Variants in KIAA1671 observed in about 807,000 individuals in gnomAD.
The protein encoded by KIAA1671 is uncharacterized protein KIAA1671.
Under a neutral mutation model 131.2 loss-of-function variants are expected in KIAA1671, and 52 were observed. That is an observed-to-expected ratio of 0.40 (90% CI 0.32 to 0.50). KIAA1671 has a LOEUF of 0.50. Ranked by LOEUF, KIAA1671 falls within the 20% of genes least tolerant of loss-of-function variation. The pLI, the probability that KIAA1671 is intolerant of heterozygous loss-of-function variation, is 0.73. For synonymous variants in KIAA1671, 1,003 were observed against 961.6 expected, an observed-to-expected ratio of 1.04 and a Z score of -0.80; for missense variants, 2,360 against 2,364.2, an observed-to-expected ratio of 1.00 and a Z score of 0.04.
rs1043076765 is a variant in KIAA1671 at position 25,031,605 on chromosome 22, C to T, written c.1542-1004C>T. On this transcript the variant is annotated intron_variant, in intron 3 of 12. Transcript: ENST00000358431. ...TCAGCCTCCCAAAGTGCTGGGATTA[C>T]AGGCATGAGCCACGGCACCCGGCCT... Among the ~76,000 whole-genome samples the T allele has an allele frequency of 9.8e-5, 15 of 152,348 alleles. No individual in the cohort carries two copies. The South Asian group carries it at 3.1e-3, about 32-fold the overall frequency.
chr22:25,039,389 G>A lies in KIAA1671; in HGVS notation c.2259G>A (p.Glu753=). The A allele has an allele frequency of 1.9e-6, 3 of 1,551,840 alleles. No homozygotes were observed. In the South Asian group the frequency reaches 3.6e-5, roughly 18 times the overall value. The change falls in exon 5 of 13, where the codon GAG becomes GAA. Residue 753 remains glutamate, a synonymous_variant. Transcript: ENST00000358431. Reference sequence around the variant, plus strand: ...GCGAGGCCATCTCACCGGCACCGGAGGAGAAAGCGGTCACGCTCCGCAGCC... The same window carrying A: ...GCGAGGCCATCTCACCGGCACCGGAAGAGAAAGCGGTCACGCTCCGCAGCC... The part of the protein sequence containing the change: ...VHSEAISPAP[E]EKAVTLRSLR...
At chr22:25,074,496 CA>C (rs759898395) in intron 6 of KIAA1671, among the ~76,000 whole-genome samples, 250 of 64,152 alleles carry the variant, frequency 3.9e-3, no homozygotes, top group East Asian at 0.014. Flanking sequence ...GGCTGTGTCT[CA>C]AAAAAAAAAA....
At position 25,040,460 on chromosome 22, in the gene KIAA1671, A is replaced by G; in HGVS notation, c.3330A>G (p.Ser1110=). 1.3e-6 allele frequency: 2 copies of G among 1,552,064 alleles called. No individual in the cohort carries two copies. The highest frequency in any genetic ancestry group is 1.7e-6 in the Non-Finnish European group (2 of 1,147,068). The stretch of plus-strand genomic sequence containing the variant: ...CTCTGAAGCCAACAGACCGTCCATC[A>G]TCTCTTGGGGCCTGGAGTCTGGACC... ...LKTLKPTDRP[S]SLGAWSLDPF... is the part of the protein sequence containing the mutation. The change falls in exon 5 of 13, where the codon TCA becomes TCG. Residue 1110 remains serine (S), a synonymous_variant. Coordinates refer to ENST00000358431, the MANE Select transcript of KIAA1671 (RefSeq NM_001145206.2).
At chr22:25,143,676 C>G (rs1266910599) in intron 6 of KIAA1671, among the ~76,000 whole-genome samples, 1 of 152,124 alleles carries the variant, frequency 6.6e-6, no homozygotes, top group Non-Finnish European at 1.5e-5. Context: ...CTGTCCTCTG[C>G]CCCATTTTCC....
intron 6 of KIAA1671, among the ~76,000 whole-genome samples, chr22:25,079,637 G>C (rs1251812535): frequency 2.0e-5 from 3 of 152,168 alleles, no homozygotes; most frequent in Admixed American, 2.0e-4. Context: ...AGGCTTTAAG[G>C]CCCAAGCATG....
chr22:25,000,705 TG>T (rs1924414813), intron 1 of KIAA1671, among the ~76,000 whole-genome samples: 7 of 151,522 alleles, frequency 4.6e-5, no homozygotes, highest in Admixed American at 4.0e-4. Flanking sequence ...TTAGTAGAGT[TG>T]GGGTTTCATC....
chr22:25,121,237 C>T (rs1205586062), intron 6 of KIAA1671, among the ~76,000 whole-genome samples: 3 of 151,854 alleles, frequency 2.0e-5, no homozygotes, highest in Non-Finnish European at 2.9e-5. Flanking sequence ...CCGAGGCGGG[C>T]GGATCACAAG....
intron 6 of KIAA1671, chr22:25,102,979 G>C (rs1930772161): frequency 6.6e-6 from 1 of 152,608 alleles, no homozygotes; most frequent in Non-Finnish European, 1.5e-5. Context: ...CCCACACGTA[G>C]TCCTGGGAAT....
chr22:25,032,923 AT>A (rs1233559681), intron 4 of KIAA1671, among the ~76,000 whole-genome samples: 1 of 151,956 alleles, frequency 6.6e-6, no homozygotes, highest in Non-Finnish European at 1.5e-5. Context: ...GTTATCAGGC[AT>A]TTTTTTTCTT....
chr22:24,959,556 C>T (rs914003795), intron 1 of KIAA1671, among the ~76,000 whole-genome samples: 7 of 147,942 alleles, frequency 4.7e-5, no homozygotes, highest in African/African-American at 1.2e-4. Context: ...AACAAACAAT[C>T]GAGGCACATA....
At chr22:25,007,174 G>A (rs538653411) in intron 1 of KIAA1671, among the ~76,000 whole-genome samples, 1 of 152,074 alleles carries the variant, frequency 6.6e-6, no homozygotes, top group African/African-American at 2.4e-5. Context: ...TGGGACCTGT[G>A]CTACCCTGGA....
chr22:24,985,304 G>C (rs1182638160), intron 1 of KIAA1671, among the ~76,000 whole-genome samples: 1 of 151,904 alleles, frequency 6.6e-6, no homozygotes, highest in African/African-American at 2.4e-5. Flanking sequence ...ATTCCCTGTG[G>C]AGTGAAAGGC....
chr22:25,113,897 G>GTTTGTT (rs1259837997), intron 6 of KIAA1671, among the ~76,000 whole-genome samples: 7 of 152,166 alleles, frequency 4.6e-5, no homozygotes, highest in Non-Finnish European at 1.0e-4. Context: ...GCCTTGCTCT[G>GTTTGTT]TCTCTGTTTG....
intron 1 of KIAA1671, chr22:25,014,249 A>G (rs1925190128): frequency 6.6e-6 from 1 of 152,200 alleles, no homozygotes; most frequent in Admixed American, 6.5e-5. Context: ...TATTGTCCTG[A>G]AAGATGGTCA....
chr22:25,094,910 G>A (rs1930323873), intron 6 of KIAA1671, among the ~76,000 whole-genome samples: 1 of 152,030 alleles, frequency 6.6e-6, no homozygotes, highest in South Asian at 2.1e-4. Context: ...ATCATTATTT[G>A]CTATGTCCAC....
At chr22:25,045,575 A>G (rs1273887793) in intron 5 of KIAA1671, among the ~76,000 whole-genome samples, 5 of 152,194 alleles carry the variant, frequency 3.3e-5, no homozygotes, top group East Asian at 3.9e-4. Flanking sequence ...ACAACAGTCT[A>G]TAGAAAATCT....
At chr22:24,990,516 G>A (rs996264161) in intron 1 of KIAA1671, among the ~76,000 whole-genome samples, 4 of 152,186 alleles carry the variant, frequency 2.6e-5, no homozygotes, top group African/African-American at 4.8e-5. Context: ...CACACACCAT[G>A]CTCACACACA....
At chr22:25,006,906 T>G (rs1398913154) in intron 1 of KIAA1671, among the ~76,000 whole-genome samples, 1 of 152,198 alleles carries the variant, frequency 6.6e-6, no homozygotes, top group Non-Finnish European at 1.5e-5. Context: ...GAGCCTTAAC[T>G]TAATCACATC....
chr22:25,124,783 G>T (rs569706990), intron 6 of KIAA1671, among the ~76,000 whole-genome samples: 2 of 152,170 alleles, frequency 1.3e-5, no homozygotes, highest in South Asian at 2.1e-4. Flanking sequence ...TTGAGAGAGG[G>T]TCTCACTCTG....
Sources: allele counts gnomAD v4.1 joint callset (sites outside exome capture counted in the v4.1 genomes callset), GRCh38; gene constraint gnomAD v4.1.1; transcripts MANE v1.5; gene names NCBI Gene and HGNC (gene_info 2026-07-23, HGNC 2026-07-21).